PTPRD: variants seen among roughly 807,000 people sequenced by gnomAD.
PTPRD encodes receptor-type tyrosine-protein phosphatase delta.
In PTPRD, 34 loss-of-function variants were observed where a neutral mutation model predicts 214.5. The ratio of observed to expected loss-of-function variants is 0.16; its 90% CI spans 0.12 to 0.21. The LOEUF (loss-of-function observed/expected upper bound fraction) is 0.21, where lower values mean the gene tolerates loss of function less well. PTPRD is among the 10% of genes least tolerant of loss of function. PTPRD has a pLI of 1.00. For missense variants in PTPRD, 2,545 were observed against 2,398.7 expected (o/e 1.06, Z -1.27); for synonymous variants, 1,128 against 845.7 (o/e 1.33, Z -5.79).
At chr9:9,312,705 C>T (rs182488912) in intron 9 of PTPRD, among the ~76,000 whole-genome samples, 67 of 152,178 alleles carry the variant, frequency 4.4e-4, no homozygotes, top group African/African-American at 1.3e-3. Context: ...CTCTGGCCAA[C>T]CTCTACCTAA....
intron 10 of PTPRD, among the ~76,000 whole-genome samples, chr9:9,153,128 A>C (rs145415057): frequency 1.2e-4 from 18 of 152,340 alleles, no homozygotes; most frequent in African/African-American, 4.1e-4. Context: ...TGCGTTCACG[A>C]AATGTGAAGG....
chr9:8,752,257 G>C (rs746720977), intron 11 of PTPRD, among the ~76,000 whole-genome samples: 2 of 152,168 alleles, frequency 1.3e-5, no homozygotes, highest in Non-Finnish European at 2.9e-5. Flanking sequence ...TTGCAGTAAA[G>C]AAGCCTGCTA....
chr9:10,048,514 G>C (rs1031385181), intron 3 of PTPRD, among the ~76,000 whole-genome samples: 1 of 151,746 alleles, frequency 6.6e-6, no homozygotes, highest in African/African-American at 2.4e-5. Context: ...ATTCATTTTG[G>C]TTTCCAGTTT....
chr9:8,618,802 T>G (rs2095698991), intron 14 of PTPRD, among the ~76,000 whole-genome samples: 1 of 151,758 alleles, frequency 6.6e-6, no homozygotes, highest in South Asian at 2.1e-4. Flanking sequence ...GTTCAAGTGA[T>G]TTTCCTGCCT....
At chr9:8,864,741 A>C (rs1281400654) in intron 11 of PTPRD, among the ~76,000 whole-genome samples, 2 of 152,188 alleles carry the variant, frequency 1.3e-5, no homozygotes, top group African/African-American at 4.8e-5. Flanking sequence ...CACTGTCTCC[A>C]GATCTTGCTT....
intron 4 of PTPRD, among the ~76,000 whole-genome samples, chr9:10,025,265 T>C (rs1395936762): frequency 6.6e-6 from 1 of 152,208 alleles, no homozygotes; most frequent in African/African-American, 2.4e-5. Flanking sequence ...AAAGTGTTCC[T>C]ATTTCTCCAC....
In PTPRD at chr9:10,263,124, T is replaced by A. The variant is rs548239858; in HGVS notation, c.-545+77839A>T. ...AACTGTGAGTCCATGAAACCTATTT[T>A]TCTTTATAAATTACTCAGTCTCAGG... On this transcript the variant is annotated intron_variant, in intron 3 of 45. Transcript: ENST00000381196. Among the ~76,000 whole-genome samples the A allele has an allele frequency of 2.0e-4, 31 of 152,298 alleles. 1 individual carries two copies. Among genetic ancestry groups the A allele is most frequent in the Non-Finnish European group, 4.0e-4 (27 of 68,028 alleles).
At chr9:10,041,634 CAT>C (rs956216492) in intron 3 of PTPRD, among the ~76,000 whole-genome samples, 1 of 151,520 alleles carries the variant, frequency 6.6e-6, no homozygotes, top group Non-Finnish European at 1.5e-5. Flanking sequence ...GAGCAAGAAA[CAT>C]AAAAAATCTC....
At chr9:8,798,433 T>C (rs994276854) in intron 11 of PTPRD, among the ~76,000 whole-genome samples, 4 of 152,194 alleles carry the variant, frequency 2.6e-5, no homozygotes, top group African/African-American at 4.8e-5. Context: ...ATTCTGGGTT[T>C]GCTGGCCTAA....
intron 8 of PTPRD, among the ~76,000 whole-genome samples, chr9:9,518,879 T>C (rs1216301475): frequency 6.6e-6 from 1 of 152,038 alleles, no homozygotes; most frequent in African/African-American, 2.4e-5. Flanking sequence ...TTATAATATA[T>C]GTCCCTCCCT....
intron 9 of PTPRD, among the ~76,000 whole-genome samples, chr9:9,243,283 C>T (rs2099971309): frequency 6.6e-6 from 1 of 152,144 alleles, no homozygotes. Flanking sequence ...CTCCCTAACT[C>T]ATTTTATGAG....
chr9:9,943,630 C>T (rs187870061), intron 4 of PTPRD, among the ~76,000 whole-genome samples: 4 of 129,644 alleles, frequency 3.1e-5, no homozygotes, highest in African/African-American at 1.0e-4. Flanking sequence ...TGTTAGATGG[C>T]GATATTTTAG....
intron 9 of PTPRD, among the ~76,000 whole-genome samples, chr9:9,391,507 A>G (rs1489698303): frequency 2.6e-5 from 4 of 152,200 alleles, no homozygotes; most frequent in African/African-American, 4.8e-5. Context: ...CTAGCAAGTG[A>G]TGAATTTGCA....
intron 2 of PTPRD, among the ~76,000 whole-genome samples, chr9:10,451,966 G>C (rs557302483): frequency 6.6e-6 from 1 of 151,922 alleles, no homozygotes; most frequent in Non-Finnish European, 1.5e-5. Flanking sequence ...AAATATGAAA[G>C]CCTACCTCTG....
At chr9:9,052,741 T>G (rs981964152) in intron 10 of PTPRD, among the ~76,000 whole-genome samples, 2 of 152,198 alleles carry the variant, frequency 1.3e-5, no homozygotes, top group Non-Finnish European at 2.9e-5. Context: ...TGTAAAGAAG[T>G]CACTGATTCC....
chr9:9,863,008 C>A (rs1299466125), intron 5 of PTPRD, among the ~76,000 whole-genome samples: 2 of 151,986 alleles, frequency 1.3e-5, no homozygotes, highest in African/African-American at 4.8e-5. Flanking sequence ...GAACAAATGA[C>A]AATAGGAAAA....
chr9:9,106,741 T>TA (rs2099799205), intron 10 of PTPRD, among the ~76,000 whole-genome samples: 1 of 152,142 alleles, frequency 6.6e-6, no homozygotes, highest in East Asian at 1.9e-4. Flanking sequence ...AATGCTCATT[T>TA]AAAAAATTTC....
rs1174104266 is a variant in PTPRD at position 8,636,817 on chromosome 9, A to G, written c.92T>C (p.Val31Ala). The G allele has an allele frequency of 3.7e-6, 6 of 1,614,004 alleles. No homozygotes were observed. The Admixed American group carries it at 6.7e-5, about 18-fold the overall frequency. The change falls in exon 13 of 46, where the codon GTT (valine) becomes GCT (alanine). Residue 31 changes from valine to alanine, a missense_variant. By Grantham distance (64) the Val-to-Ala change is moderately conservative (BLOSUM62 0). Transcript: ENST00000381196. ...TCCGCCAGAGACCCCTGTCTGATCA[A>G]CGGGTGTTCGTGTAAACCTTGGAGG... ...ETPPRFTRTP[V>A]DQTGVSGGVA...
intron 9 of PTPRD, among the ~76,000 whole-genome samples, chr9:9,213,052 T>A (rs533011525): frequency 6.6e-6 from 1 of 152,194 alleles, no homozygotes; most frequent in Non-Finnish European, 1.5e-5. Context: ...AATTATAACA[T>A]GATTACTTAT....
Sources: allele counts gnomAD v4.1 joint callset (sites outside exome capture counted in the v4.1 genomes callset), GRCh38; gene constraint gnomAD v4.1.1; transcripts MANE v1.5; gene names NCBI Gene and HGNC (gene_info 2026-07-23, HGNC 2026-07-21).